The following MAGI2 variants were observed in gnomAD, a reference collection of about 807,000 sequenced individuals.
The protein encoded by MAGI2 is membrane-associated guanylate kinase, WW and PDZ domain-containing protein 2.
In MAGI2, 35 loss-of-function variants were observed where a neutral mutation model predicts 133.3. The observed-to-expected ratio is 0.26, with a 90% CI of 0.20 to 0.35. The LOEUF is 0.35. Among genes scored for constraint, MAGI2 ranks in the 10% least tolerant of loss-of-function variants. The pLI, the probability that MAGI2 is intolerant of heterozygous loss-of-function variation, is 1.00. For synonymous variants in MAGI2, 729 were observed against 710.6 expected, an observed-to-expected ratio of 1.03 and a Z score of -0.41; for missense variants, 1,636 against 1,863.4, an observed-to-expected ratio of 0.88 and a Z score of 2.25.
At chr7:78,313,018 T>A (rs550414379) in intron 9 of MAGI2, among the ~76,000 whole-genome samples, 3 of 151,234 alleles carry the variant, frequency 2.0e-5, no homozygotes, top group African/African-American at 7.3e-5. Flanking sequence ...TAAAAATGAA[T>A]GAAATCATAA....
chr7:79,304,708 T>C (rs1322879944), intron 1 of MAGI2, among the ~76,000 whole-genome samples: 1 of 152,188 alleles, frequency 6.6e-6, no homozygotes, highest in African/African-American at 2.4e-5. Flanking sequence ...ATGAGGAAGA[T>C]GTTATGGTGA....
chr7:79,078,224 G>A (rs1298094893), intron 1 of MAGI2, among the ~76,000 whole-genome samples: 1 of 152,166 alleles, frequency 6.6e-6, no homozygotes, highest in Non-Finnish European at 1.5e-5. Context: ...AGCACTCAAT[G>A]CATGTCTCAG....
intron 6 of MAGI2, chr7:78,484,383 C>G (rs1041098240): frequency 1.6e-4 from 24 of 151,114 alleles, no homozygotes; most frequent in African/African-American, 5.6e-4. Context: ...TTGAAATGCA[C>G]TACTCATGCA....
chr7:79,240,124 C>A (rs1024734231), intron 1 of MAGI2, among the ~76,000 whole-genome samples: 1 of 152,036 alleles, frequency 6.6e-6, no homozygotes, highest in Admixed American at 6.6e-5. Context: ...TGGTCTGAGA[C>A]CTGAAGGCAT....
chr7:79,137,492 G>A (rs1821697693), intron 1 of MAGI2, among the ~76,000 whole-genome samples: 1 of 142,744 alleles, frequency 7.0e-6, no homozygotes, highest in Non-Finnish European at 1.5e-5. Context: ...CTGTCGCCTA[G>A]TTTGTAGTGT....
In MAGI2 at chr7:78,019,966, G is replaced by A; in HGVS notation, c.3717C>T (p.Ala1239=). The change falls in exon 22 of 22, where the codon GCC becomes GCT. Residue 1239 remains alanine (A), a synonymous_variant. Coordinates refer to ENST00000354212, the MANE Select transcript of MAGI2 (RefSeq NM_012301.4). The part of the protein sequence containing the change: ...TGQVPEYDEP[A]PWSSPAAAAP... ...CGGCGGCAGCGGGAGAACTCCAGGG[G>A]GCGGGTTCGTCTGTGGACGGGAAGC... The A allele has an allele frequency of 1.2e-6, 2 of 1,605,810 alleles. No individual in the cohort carries two copies. The highest frequency in any genetic ancestry group is 1.7e-6 in the Non-Finnish European group (2 of 1,177,242).
At chr7:78,451,064 C>T (rs1788676751) in intron 6 of MAGI2, among the ~76,000 whole-genome samples, 1 of 152,110 alleles carries the variant, frequency 6.6e-6, no homozygotes, top group South Asian at 2.1e-4. Flanking sequence ...AATATTTCTA[C>T]ATGCACCAGC....
At chr7:78,101,979 A>C (rs962932794) in intron 20 of MAGI2, among the ~76,000 whole-genome samples, 5 of 152,210 alleles carry the variant, frequency 3.3e-5, no homozygotes, top group Non-Finnish European at 5.9e-5. Context: ...TCAACAGGTG[A>C]ATTTTTTAAA....
At chr7:78,470,174 A>C (rs1211023829) in intron 6 of MAGI2, among the ~76,000 whole-genome samples, 1 of 152,134 alleles carries the variant, frequency 6.6e-6, no homozygotes, top group Non-Finnish European at 1.5e-5. Context: ...CTAGCATGAC[A>C]CTGGTGGAGA....
At chr7:79,106,766 G>C (rs896364361) in intron 1 of MAGI2, among the ~76,000 whole-genome samples, 1 of 152,174 alleles carries the variant, frequency 6.6e-6, no homozygotes, top group African/African-American at 2.4e-5. Flanking sequence ...AAGTGTTTAA[G>C]AAAGAAATAT....
At chr7:78,020,552 C>G (rs1481317095) in intron 21 of MAGI2, among the ~76,000 whole-genome samples, 1 of 149,268 alleles carries the variant, frequency 6.7e-6, no homozygotes, top group Non-Finnish European at 1.5e-5. Context: ...ATAAAATACA[C>G]TAACGATAGC....
At chr7:78,702,221 C>T (rs1818152744) in intron 2 of MAGI2, among the ~76,000 whole-genome samples, 1 of 151,968 alleles carries the variant, frequency 6.6e-6, no homozygotes, top group African/African-American at 2.4e-5. Context: ...TATTTGAAAT[C>T]ATTTTCCACA....
intron 1 of MAGI2, among the ~76,000 whole-genome samples, chr7:79,330,178 A>ATTTTT (rs1451035999): frequency 9.6e-6 from 1 of 104,418 alleles, no homozygotes; most frequent in African/African-American, 3.8e-5. Flanking sequence ...AACAATCTGC[A>ATTTTT]TCTTTTTTTT....
intron 1 of MAGI2, among the ~76,000 whole-genome samples, chr7:79,205,365 C>G (rs1828954201): frequency 1.3e-5 from 2 of 151,840 alleles, no homozygotes; most frequent in South Asian, 4.2e-4. Flanking sequence ...AAAAATCTGT[C>G]AAGTAAAAAT....
At chr7:78,893,430 C>G (rs1047630801) in intron 2 of MAGI2, among the ~76,000 whole-genome samples, 4 of 152,034 alleles carry the variant, frequency 2.6e-5, no homozygotes, top group Non-Finnish European at 5.9e-5. Flanking sequence ...CACAGGCACA[C>G]GTATGTTTAT....
chr7:79,038,177 T>C (rs1158183275), intron 1 of MAGI2, among the ~76,000 whole-genome samples: 1 of 152,206 alleles, frequency 6.6e-6, no homozygotes, highest in African/African-American at 2.4e-5. Context: ...GGCATATTTT[T>C]ATAAAGAGGA....
chr7:79,316,854 A>G (rs1838763931), intron 1 of MAGI2, among the ~76,000 whole-genome samples: 1 of 151,996 alleles, frequency 6.6e-6, no homozygotes, highest in Non-Finnish European at 1.5e-5. Flanking sequence ...TTCTCATTTT[A>G]TGGATGAGGA....
At chr7:78,225,538 G>A (rs1554507317) in intron 10 of MAGI2, among the ~76,000 whole-genome samples, 1 of 151,936 alleles carries the variant, frequency 6.6e-6, no homozygotes, top group Admixed American at 6.6e-5. Flanking sequence ...GTAAAGATGG[G>A]GTTTTACCAG....
chr7:78,455,877 T>G (rs1253793826), intron 6 of MAGI2, among the ~76,000 whole-genome samples: 2 of 152,084 alleles, frequency 1.3e-5, no homozygotes, highest in African/African-American at 4.8e-5. Flanking sequence ...GCTACCCACA[T>G]TTGCCCTTTT....
Sources: allele counts gnomAD v4.1 joint callset (sites outside exome capture counted in the v4.1 genomes callset), GRCh38; gene constraint gnomAD v4.1.1; transcripts MANE v1.5; gene names NCBI Gene and HGNC (gene_info 2026-07-23, HGNC 2026-07-21).